GRK5: variants seen among roughly 807,000 people sequenced by gnomAD.
The protein encoded by GRK5 is g protein-coupled receptor kinase GRK5.
GRK5 carries 40 observed loss-of-function variants against 78.4 expected under a neutral mutation model. That is an observed-to-expected ratio of 0.51 (90% CI 0.40 to 0.66). The LOEUF (loss-of-function observed/expected upper bound fraction) is 0.66. Ranked by LOEUF, GRK5 falls within the 30% of genes least tolerant of loss-of-function variation. The pLI is 0.00. For synonymous variants in GRK5, 289 were observed against 296.8 expected, an observed-to-expected ratio of 0.97 and a Z score of 0.27; for missense variants, 598 against 759.9, an observed-to-expected ratio of 0.79 and a Z score of 2.50.
At chr10:119,235,151 TA>T (rs200533154) in intron 1 of GRK5, among the ~76,000 whole-genome samples, 9,487 of 147,242 alleles carry the variant, frequency 0.064, 868 homozygotes, top group African/African-American at 0.2. Context: ...AATTTTTTTT[TA>T]TTTTTTTTAT....
intron 4 of GRK5, chr10:119,406,377 C>A (rs1852240957): frequency 2.5e-6 from 2 of 787,560 alleles, no homozygotes; most frequent in African/African-American, 3.7e-5. Flanking sequence ...GGTCCATGGC[C>A]CTGGTCCTGC....
intron 1 of GRK5, among the ~76,000 whole-genome samples, chr10:119,223,136 C>T (rs961368879): frequency 6.6e-6 from 1 of 152,168 alleles, no homozygotes; most frequent in African/African-American, 2.4e-5. Context: ...GGGGAAGACC[C>T]GTTCCAGGCC....
intron 1 of GRK5, among the ~76,000 whole-genome samples, chr10:119,227,460 G>C (rs1448159508): frequency 6.6e-6 from 1 of 152,088 alleles, no homozygotes. Flanking sequence ...TCAGCTACTA[G>C]GGAGGAGGTT....
intron 1 of GRK5, among the ~76,000 whole-genome samples, chr10:119,309,554 T>C (rs527545260): frequency 7.9e-5 from 12 of 152,366 alleles, no homozygotes; most frequent in Non-Finnish European, 1.5e-4. Flanking sequence ...TACTGAGTGC[T>C]AACCACAATC....
chr10:119,312,939 A>ATGGTGATGCTGATGG (rs1850386100), intron 1 of GRK5, among the ~76,000 whole-genome samples: 1 of 105,952 alleles, frequency 9.4e-6, no homozygotes, highest in Non-Finnish European at 2.1e-5. Context: ...GGTGGTAGTG[A>ATGGTGATGCTGATGG]TGGTGGTAAT....
At chr10:119,435,683 A>G (rs886327609) in intron 8 of GRK5, among the ~76,000 whole-genome samples, 4 of 152,106 alleles carry the variant, frequency 2.6e-5, no homozygotes, top group Non-Finnish European at 2.9e-5. Flanking sequence ...ACATTTTCCT[A>G]TCTTCTGAGC....
chr10:119,222,179 C>A (rs1050944177), intron 1 of GRK5, among the ~76,000 whole-genome samples: 1 of 152,112 alleles, frequency 6.6e-6, no homozygotes, highest in African/African-American at 2.4e-5. Context: ...AGATCACATA[C>A]CAAGGAGCCA....
chr10:119,327,748 T>C lies in GRK5; in HGVS notation c.148+1137T>C, dbSNP rs570864865. ...CCACTCAGTCCACACTCCATGTTTA[T>C]AGGTGATAGGAGGCCATCTGTGCCC... On this transcript the variant is annotated intron_variant, in intron 2 of 15. Transcript: ENST00000392870. Among the ~76,000 whole-genome samples the C allele has an allele frequency of 2.0e-5, 3 of 152,290 alleles. No homozygotes were observed. In the South Asian group the frequency reaches 6.2e-4, roughly 32 times the overall value.
chr10:119,243,570 T>C (rs10622562), intron 1 of GRK5, among the ~76,000 whole-genome samples: 17 of 136,104 alleles, frequency 1.2e-4, no homozygotes, highest in East Asian at 2.1e-4. Flanking sequence ...GTTTTTCTTT[T>C]TTTTTTTTTT....
intron 2 of GRK5, among the ~76,000 whole-genome samples, chr10:119,367,856 G>T (rs760336477): frequency 2.0e-5 from 3 of 152,226 alleles, no homozygotes; most frequent in Admixed American, 6.5e-5. Context: ...GAGACCATCA[G>T]TTGCCTCCAC....
rs935468330 is a variant in GRK5 at position 119,237,124 on chromosome 10, G to A, written c.52+29155G>A. Among the ~76,000 whole-genome samples, 11 of 140,348 alleles carry A rather than the reference G, an allele frequency of 7.8e-5. No individual in the cohort carries two copies. In the East Asian group the frequency reaches 2.5e-3, roughly 32 times the overall value. 92.1% of individuals were successfully genotyped at this position (140,348 alleles called of 152,430 possible). On this transcript the variant is annotated intron_variant, in intron 1 of 15. Transcript: ENST00000392870. ...GTCACTCAGGTTGGAATGCAGCCGCGCGATCTTGGCTTACTGCAATCTCCG... is the reference window on the plus strand; with the variant it reads ...GTCACTCAGGTTGGAATGCAGCCGCACGATCTTGGCTTACTGCAATCTCCG...
chr10:119,452,519 T>A lies in GRK5; in HGVS notation c.1405-152T>A. 1.1e-6 allele frequency: 1 copy of A among 877,756 alleles called. No homozygotes were observed. The highest frequency in any genetic ancestry group is 1.7e-6 in the Non-Finnish European group (1 of 585,208). The allele number at this position is 877,756 out of a possible 1,614,324, so 54.4% of individuals were successfully genotyped here. The stretch of plus-strand genomic sequence containing the variant: ...CCCCTCCCCTGGACTCACCTGCATC[T>A]GAGCCACACACCCTCCAGCCACTAC... On this transcript the variant is annotated intron_variant, in intron 13 of 15. Coordinates refer to ENST00000392870, the MANE Select transcript of GRK5 (RefSeq NM_005308.3). The surrounding 1 kb of genome is among the most constrained non-coding windows in gnomAD (Gnocchi z 4.4).
At chr10:119,450,554 C>G (rs996856829) in intron 13 of GRK5, among the ~76,000 whole-genome samples, 2 of 152,194 alleles carry the variant, frequency 1.3e-5, no homozygotes, top group Non-Finnish European at 2.9e-5. Flanking sequence ...GCTCCAGGCC[C>G]TGGAAGCAGC....
At chr10:119,243,960 T>C (rs1849065886) in intron 1 of GRK5, among the ~76,000 whole-genome samples, 2 of 152,266 alleles carry the variant, frequency 1.3e-5, no homozygotes, top group Non-Finnish European at 2.9e-5. Flanking sequence ...AGGTGTCCTT[T>C]CTGTCACGTT....
At chr10:119,411,379 C>T (rs1852333526) in intron 4 of GRK5, among the ~76,000 whole-genome samples, 1 of 152,144 alleles carries the variant, frequency 6.6e-6, no homozygotes. Flanking sequence ...AGCCCAGAGA[C>T]CCCTTAGACT....
intron 1 of GRK5, among the ~76,000 whole-genome samples, chr10:119,325,255 C>T (rs766364104): frequency 1.2e-4 from 19 of 152,174 alleles, no homozygotes; most frequent in Non-Finnish European, 2.4e-4. Flanking sequence ...TTACTGTCTC[C>T]ACTTCATGGA....
In GRK5 at chr10:119,430,574, G is replaced by T; in HGVS notation, c.597+136G>T. Reference sequence around the variant, plus strand: ...TGGCTCAATGTGGGCCCCGGGGGCAGTGAGGGTGGGAGAGAGTCAGTGGCC... The same window carrying T: ...TGGCTCAATGTGGGCCCCGGGGGCATTGAGGGTGGGAGAGAGTCAGTGGCC... On this transcript the variant is annotated intron_variant, in intron 7 of 15. Transcript: ENST00000392870. This position sits in a 1 kb window ranked among gnomAD's most constrained non-coding sequence, Gnocchi z 4.5. The T allele has an allele frequency of 1.5e-6, 1 of 688,496 alleles. No homozygotes were observed. Among genetic ancestry groups the T allele is most frequent in the African/African-American group, 1.8e-5 (1 of 55,674 alleles). 42.6% of individuals were successfully genotyped at this position (688,496 alleles called of 1,614,324 possible).
At chr10:119,382,376 A>C (rs1238294137) in intron 3 of GRK5, among the ~76,000 whole-genome samples, 1 of 152,132 alleles carries the variant, frequency 6.6e-6, no homozygotes, top group Non-Finnish European at 1.5e-5. Flanking sequence ...CAGACCAATT[A>C]ATTTGAATCT....
chr10:119,419,945 G>A (rs1438290045), intron 4 of GRK5, among the ~76,000 whole-genome samples: 1 of 152,190 alleles, frequency 6.6e-6, no homozygotes, highest in Non-Finnish European at 1.5e-5. Flanking sequence ...CAGAGTACCG[G>A]GGGCTAGGGT....
Sources: gnomAD v4.1 joint callset for allele counts (sites outside exome capture counted in the v4.1 genomes callset) on GRCh38, gnomAD v4.1.1 for gene constraint, Gnocchi (gnomAD v3.1) non-coding constraint, MANE v1.5 for transcripts, NCBI Gene and HGNC (gene_info 2026-07-23, HGNC 2026-07-21) for gene names.